The following HHIPL1 variants were observed in gnomAD, a reference collection of about 807,000 sequenced individuals.
HHIPL1 encodes the protein HHIP like 1, also known as HHIP-like protein 1.
Under a neutral mutation model 61.8 loss-of-function variants are expected in HHIPL1, and 43 were observed. The observed-to-expected ratio is 0.70, with a 90% confidence interval of 0.55 to 0.90. HHIPL1 has a LOEUF of 0.90. Ranked by LOEUF, HHIPL1 falls within the 40% of genes least tolerant of loss-of-function variation. The pLI is 0.00. For synonymous variants in HHIPL1, 482 were observed against 515.8 expected, an observed-to-expected ratio of 0.93 and a Z score of 0.89; for missense variants, 1,056 against 1,157.7, an observed-to-expected ratio of 0.91 and a Z score of 1.28.
At chr14:99,643,440 A>T (rs981837050), upstream of HHIPL1, among the ~76,000 whole-genome samples, 1 of 152,116 alleles carries the variant, frequency 6.6e-6, no homozygotes, top group African/African-American at 2.4e-5. Context: ...AATAGGTATT[A>T]GGGTGAGGAT....
chr14:99,637,177 A>AATGG, the HHIPL1 span, among the ~76,000 whole-genome samples: 2 of 143,452 alleles, frequency 1.4e-5, no homozygotes, highest in Non-Finnish European at 1.5e-5. Flanking sequence ...AAAAAGAAAG[A>AATGG]AAGAAAGAAT....
At chr14:99,631,115 T>TC in the HHIPL1 span, among the ~76,000 whole-genome samples, 179 of 150,600 alleles carry the variant, frequency 1.2e-3, no homozygotes, top group Middle Eastern at 3.4e-3. Flanking sequence ...TTTCTCTCTC[T>TC]TTCTTTCTTT....
chr14:99,665,689 C>T (rs1465121976), intron 6 of HHIPL1, among the ~76,000 whole-genome samples: 1 of 152,236 alleles, frequency 6.6e-6, no homozygotes, highest in Non-Finnish European at 1.5e-5. Context: ...CTGCCTCGGC[C>T]TCCCAAAGTG....
At chr14:99,642,759 C>T (rs911961432), upstream of HHIPL1, among the ~76,000 whole-genome samples, 3 of 151,826 alleles carry the variant, frequency 2.0e-5, no homozygotes, top group African/African-American at 4.8e-5. Context: ...CTCCTGACAT[C>T]GTGATCCGCC....
At chr14:99,667,852 G>A (rs2056270676) in intron 6 of HHIPL1, among the ~76,000 whole-genome samples, 1 of 152,180 alleles carries the variant, frequency 6.6e-6, no homozygotes, top group African/African-American at 2.4e-5. Flanking sequence ...TGGGGAGCTG[G>A]GCTGTAGCCC....
chr14:99,620,003 A>G, the HHIPL1 span, among the ~76,000 whole-genome samples: 1 of 152,204 alleles, frequency 6.6e-6, no homozygotes, highest in Admixed American at 6.5e-5. Context: ...AAGGAGGGGC[A>G]GCCAGCAATC....
At position 99,677,288 on chromosome 14, in the gene HHIPL1, A is replaced by G. The variant is rs1265547109; in HGVS notation, c.*1662A>G. 2.0e-5 allele frequency: 3 copies of G among 152,230 alleles called. No homozygotes were observed. The highest frequency in any genetic ancestry group is 1.3e-4 in the Admixed American group (2 of 15,284). 9.4% of individuals were successfully genotyped at this position (152,230 alleles called of 1,614,324 possible). On this transcript the variant is annotated 3_prime_UTR_variant, in exon 9 of 9. Transcript: ENST00000330710. This position sits in a 1 kb window ranked among gnomAD's most constrained non-coding sequence, Gnocchi z 4.3. The stretch of plus-strand genomic sequence containing the variant: ...AGTTTAGAGTCCCCGCACCCTAACC[A>G]CTGCCCTCCCCAGCTACACTATGCC...
intron 7 of HHIPL1, among the ~76,000 whole-genome samples, chr14:99,670,403 C>A (rs569829242): frequency 6.6e-6 from 1 of 152,166 alleles, no homozygotes; most frequent in Non-Finnish European, 1.5e-5. Context: ...TGAGCCCCCA[C>A]GCCCAGACTC....
the HHIPL1 span, among the ~76,000 whole-genome samples, chr14:99,611,789 G>A: frequency 5.3e-5 from 8 of 151,374 alleles, no homozygotes; most frequent in East Asian, 1.9e-4. Context: ...TCTTATACGC[G>A]TGTCCCAACG....
At position 99,668,174 on chromosome 14, in the gene HHIPL1, A is replaced by T. The variant is rs202196496; in HGVS notation, c.1649-48A>T. 5.2e-6 allele frequency: 6 copies of T among 1,145,894 alleles called. No homozygotes were observed. The highest frequency in any genetic ancestry group is 7.9e-6 in the Non-Finnish European group (6 of 757,448). 71.0% of individuals were successfully genotyped at this position (1,145,894 alleles called of 1,614,324 possible). A position where few individuals can be genotyped will look rare whatever the true frequency, so the allele number is the denominator to read the frequency against. The stretch of plus-strand genomic sequence containing the variant: ...GGGTGGTGAGGCGGGGCTGGCTGGG[A>T]CGGTATTCCAGGTGGGGGTCTCACT... On this transcript the variant is annotated intron_variant, in intron 6 of 8. Transcript: ENST00000330710. The surrounding 1 kb of genome is among the most constrained non-coding windows in gnomAD (Gnocchi z 4.7).
chr14:99,674,122 C>T (rs992688410), intron 8 of HHIPL1, among the ~76,000 whole-genome samples: 4 of 151,818 alleles, frequency 2.6e-5, no homozygotes, highest in African/African-American at 9.7e-5. Flanking sequence ...CTGAGAGGCC[C>T]TTTCTCAGCT....
intron 7 of HHIPL1, chr14:99,669,312 C>G: frequency 2.0e-6 from 2 of 1,025,618 alleles, no homozygotes; most frequent in Non-Finnish European, 2.3e-6. Context: ...CGCTTCTCTG[C>G]TGGCTTCCAC....
At chr14:99,667,661 C>G (rs1038026138) in intron 6 of HHIPL1, among the ~76,000 whole-genome samples, 3 of 152,154 alleles carry the variant, frequency 2.0e-5, no homozygotes, top group Non-Finnish European at 4.4e-5. Flanking sequence ...ACCCTGGCCT[C>G]GAGGACCTGG....
chr14:99,638,606 G>A, the HHIPL1 span, among the ~76,000 whole-genome samples: 1 of 152,162 alleles, frequency 6.6e-6, no homozygotes, highest in Admixed American at 6.5e-5. Context: ...GCAAAGGCCT[G>A]GTCTCACCTC....
chr14:99,664,197 G>A (rs1383687861), intron 6 of HHIPL1, among the ~76,000 whole-genome samples: 2 of 152,174 alleles, frequency 1.3e-5, no homozygotes, highest in Non-Finnish European at 2.9e-5. Context: ...GGGTTGCTAG[G>A]CAACGCCCAC....
At chr14:99,618,182 G>C in the HHIPL1 span, among the ~76,000 whole-genome samples, 1 of 152,172 alleles carries the variant, frequency 6.6e-6, no homozygotes, top group Admixed American at 6.5e-5. Context: ...GGTTGCCCTA[G>C]AGAGGGGACA....
chr14:99,660,233 C>T lies in HHIPL1; in HGVS notation c.1376-47C>T. On this transcript the variant is annotated intron_variant, in intron 4 of 8. Transcript: ENST00000330710. The surrounding 1 kb of genome is among the most constrained non-coding windows in gnomAD (Gnocchi z 4.9). ...TCCGGAATTCTCCTGGCTGATGAAC[C>T]TTCCCGCCGCTGGCTCACCGAAGCT... The T allele has an allele frequency of 1.2e-6, 2 of 1,611,746 alleles. No individual in the cohort carries two copies. The highest frequency in any genetic ancestry group is 1.7e-6 in the Non-Finnish European group (2 of 1,179,250).
chr14:99,616,811 TG>T, the HHIPL1 span, among the ~76,000 whole-genome samples: 2 of 152,158 alleles, frequency 1.3e-5, no homozygotes, highest in Admixed American at 6.5e-5. Flanking sequence ...CTTTAAAATC[TG>T]GGGGAAAAGG....
Position 99,652,641 on chromosome 14 carries a change from C to A in HHIPL1, c.673C>A (p.Arg225Ser), listed in dbSNP as rs770998890. 6.2e-7 allele frequency: 1 copy of A among 1,613,526 alleles called. No individual in the cohort carries two copies. Among genetic ancestry groups the A allele is most frequent in the Non-Finnish European group, 8.5e-7 (1 of 1,179,816 alleles). Residue 225 changes from arginine to serine, a missense_variant, in exon 2 of 9, where the codon CGC becomes AGC. Coordinates refer to ENST00000330710, the MANE Select transcript of HHIPL1 (RefSeq NM_001127258.3). The stretch of plus-strand genomic sequence containing the variant: ...GCTGGTGTGGGCCTACCTGCCCGAC[C>A]GCTCGAGGCTGGGGAAGCCTTTCCT... ...VGLVWAYLPD[R>S]SRLGKPFLNI... is the part of the protein sequence containing the mutation.
Sources: gnomAD v4.1 joint callset for allele counts (sites outside exome capture counted in the v4.1 genomes callset) on GRCh38, gnomAD v4.1.1 for gene constraint, Gnocchi (gnomAD v3.1) non-coding constraint, MANE v1.5 for transcripts, NCBI Gene and HGNC (gene_info 2026-07-23, HGNC 2026-07-21) for gene names.